Variants in AZI2 observed in about 807,000 individuals in gnomAD.
AZI2 encodes the protein 5-azacytidine induced 2.
In AZI2, 22 loss-of-function variants were observed where a neutral mutation model predicts 45.8. That is an observed-to-expected ratio of 0.48 (90% CI 0.34 to 0.69). The LOEUF (loss-of-function observed/expected upper bound fraction) is 0.69, where lower values mean the gene tolerates loss of function less well. Ranked by LOEUF, AZI2 falls within the 30% of genes least tolerant of loss-of-function variation. The pLI is 0.01. For missense variants in AZI2, 417 were observed against 441.5 expected, an observed-to-expected ratio of 0.94 and a Z score of 0.50; for synonymous variants, 137 against 156.7, an observed-to-expected ratio of 0.87 and a Z score of 0.94.
At chr3:28,344,408 T>C (rs1441625943) in intron 1 of AZI2, among the ~76,000 whole-genome samples, 1 of 152,036 alleles carries the variant, frequency 6.6e-6, no homozygotes, top group Non-Finnish European at 1.5e-5. Flanking sequence ...TTATATTTAT[T>C]AATATAATGA....
chr3:28,342,241 A>G (rs1704045257), intron 1 of AZI2, among the ~76,000 whole-genome samples: 1 of 152,070 alleles, frequency 6.6e-6, no homozygotes, highest in African/African-American at 2.4e-5. Flanking sequence ...ATTATAAGAA[A>G]GGCAGGTTAA....
At chr3:28,326,714 C>T in intron 7 of AZI2, 118 bp downstream of exon 7, 1 of 819,040 alleles carries the variant, frequency 1.2e-6, no homozygotes, top group Non-Finnish European at 2.2e-6. Context: ...TGCGAATGTA[C>T]TATATATACT....
At position 28,342,126 on chromosome 3, in the gene AZI2, C is replaced by A. The variant is rs997460362; in HGVS notation, c.-5-1504G>T. Among the ~76,000 whole-genome samples, 16 of 152,004 alleles carry A rather than the reference C, an allele frequency of 1.1e-4. 1 individual carries two copies. Among genetic ancestry groups the A allele is most frequent in the African/African-American group, 3.9e-4 (16 of 41,428 alleles). ...CAAAAGGTTTTGTGTTTTTCTGGGT[C>A]TGGTCTTATATCATTATATTTTTGC... On this transcript the variant is annotated intron_variant, in intron 1 of 7. Coordinates refer to ENST00000479665, the MANE Select transcript of AZI2 (RefSeq NM_022461.5).
Position 28,321,251 on chromosome 3 carries a change from T to A in AZI2, c.*2791A>T, listed in dbSNP as rs989523569. The A allele has an allele frequency of 6.6e-6, 1 of 151,360 alleles. No homozygotes were observed. Among genetic ancestry groups the A allele is most frequent in the African/African-American group, 2.4e-5 (1 of 41,336 alleles). The allele number at this position is 151,360 out of a possible 1,614,324, so 9.4% of individuals were successfully genotyped here. A position where few individuals can be genotyped will look rare whatever the true frequency, so the allele number is the denominator to read the frequency against. On this transcript the variant is annotated 3_prime_UTR_variant, in exon 8 of 8. Transcript: ENST00000479665. ...TGACCTTTGGTATTGGTGCATTTCCTAGAGCACAGGAAGTTAACTGTTTTT... is the reference window on the plus strand; with the variant it reads ...TGACCTTTGGTATTGGTGCATTTCCAAGAGCACAGGAAGTTAACTGTTTTT...
At position 28,322,861 on chromosome 3, in the gene AZI2, A is replaced by ACTGT. The variant is rs1029086392; in HGVS notation, c.*1177_*1180dup. The ACTGT allele has an allele frequency of 6.6e-6, 1 of 151,250 alleles. No homozygotes were observed. The highest frequency in any genetic ancestry group is 2.4e-5 in the African/African-American group (1 of 41,334). The allele number at this position is 151,250 out of a possible 1,614,324, so 9.4% of individuals were successfully genotyped here. A position where few individuals can be genotyped will look rare whatever the true frequency, so the allele number is the denominator to read the frequency against. On this transcript the variant is annotated 3_prime_UTR_variant, in exon 8 of 8. Coordinates refer to ENST00000479665, the MANE Select transcript of AZI2 (RefSeq NM_022461.5). Reference sequence around the variant, plus strand: ...AGATATTGAGTTCAAGATATATGAAACTGTCTATCAAAAAGGATAAAAGTC... The same window carrying ACTGT: ...AGATATTGAGTTCAAGATATATGAAACTGTCTGTCTATCAAAAAGGATAAAAGTC...
chr3:28,337,127 C>T, intron 4 of AZI2: 1 of 429,446 alleles, frequency 2.3e-6, no homozygotes, highest in Non-Finnish European at 4.1e-6. Context: ...TAAGCATATG[C>T]TAAAATTGCA....
chr3:28,338,764 T>A, intron 2 of AZI2, 149 bp from the exon 3 acceptor site: 1 of 748,594 alleles, frequency 1.3e-6, no homozygotes, highest in Non-Finnish European at 2.0e-6. Context: ...TTCCACAAAT[T>A]AATCTTTACA....
At chr3:28,339,131 C>G (rs1392981884) in intron 2 of AZI2, among the ~76,000 whole-genome samples, 1 of 151,950 alleles carries the variant, frequency 6.6e-6, no homozygotes, top group South Asian at 2.1e-4. Flanking sequence ...AGGTGCACCA[C>G]CACGCCCTGC....
intron 6 of AZI2, among the ~76,000 whole-genome samples, chr3:28,328,035 T>C (rs1194206457): frequency 2.0e-5 from 3 of 150,164 alleles, no homozygotes; most frequent in Non-Finnish European, 4.5e-5. Flanking sequence ...ATTTAATATA[T>C]AATATATAAA....
intron 2 of AZI2, among the ~76,000 whole-genome samples, chr3:28,340,135 C>T (rs1043100172): frequency 1.5e-4 from 22 of 150,536 alleles, no homozygotes; most frequent in Admixed American, 3.3e-4. Flanking sequence ...ATACATACAG[C>T]TATGGAGGTA....
chr3:28,323,229 TTTATA>T lies in AZI2; in HGVS notation c.*808_*812del, dbSNP rs1463431199. ...CTTTTTATCATTACACACATTTATG[TTTATA>T]TTATGGCCCACAGAAGGGCAGATTA... On this transcript the variant is annotated 3_prime_UTR_variant, in exon 8 of 8. Coordinates refer to ENST00000479665, the MANE Select transcript of AZI2 (RefSeq NM_022461.5). 1 of 151,198 alleles carries T rather than the reference TTTATA, an allele frequency of 6.6e-6. No individual in the cohort carries two copies. The highest frequency in any genetic ancestry group is 6.6e-5 in the Admixed American group (1 of 15,112). 9.4% of individuals were successfully genotyped at this position (151,198 alleles called of 1,614,324 possible). A position where few individuals can be genotyped will look rare whatever the true frequency, so the allele number is the denominator to read the frequency against.
At chr3:28,324,733 T>C (rs1323716360) in intron 7 of AZI2, 3 of 291,662 alleles carry the variant, frequency 1.0e-5, no homozygotes, top group African/African-American at 2.2e-5. Flanking sequence ...GTCCCAACTA[T>C]GTCATAGAGC....
chr3:28,324,212 T>C lies in AZI2; in HGVS notation c.1009A>G (p.Ser337Gly), dbSNP rs1703293936. 1 of 1,610,576 alleles carries C rather than the reference T, an allele frequency of 6.2e-7. No homozygotes were observed. Among genetic ancestry groups the C allele is most frequent in the African/African-American group, 1.3e-5 (1 of 74,602 alleles). ...PNDGTCFQEH[S>G]SYGRNSLEDN... ...TCCAGAGAATTTCTGCCATAAGAAC[T>C]GTGTTCCTGAAAGCATGTACCATCA... Residue 337 changes from serine to glycine, a missense_variant, in exon 8 of 8, where the codon AGT becomes GGT. Physicochemically the swap from Ser to Gly is moderately conservative, Grantham distance 56. Coordinates refer to ENST00000479665, the MANE Select transcript of AZI2 (RefSeq NM_022461.5).
intron 5 of AZI2, 84 bp from the exon 6 acceptor site, chr3:28,332,511 G>T: frequency 8.6e-7 from 1 of 1,168,322 alleles, no homozygotes; most frequent in Non-Finnish European, 1.2e-6. Flanking sequence ...CCAGAGACAT[G>T]TTCAGGTTTT....
At position 28,336,735 on chromosome 3, in the gene AZI2, A is replaced by G; in HGVS notation, c.588+2T>C. 1 of 1,611,860 alleles carries G rather than the reference A, an allele frequency of 6.2e-7. No individual in the cohort carries two copies. On this transcript the variant is annotated splice_donor_variant, in intron 5 of 7. Transcript: ENST00000479665. LOFTEE classifies it high-confidence loss of function. ...ATTCTCAATTTAATAATTCTGTAAT[A>G]CCGTTTGTTTGGCTTTCTGTAGTTC...
chr3:28,332,570 A>G (rs1281431039), intron 5 of AZI2, 143 bp from the exon 6 acceptor site: 1 of 590,948 alleles, frequency 1.7e-6, no homozygotes, highest in Non-Finnish European at 2.9e-6. Flanking sequence ...TTTATACTCA[A>G]TTTTAATGAA....
intron 2 of AZI2, among the ~76,000 whole-genome samples, chr3:28,339,222 C>A (rs1703917426): frequency 1.3e-5 from 2 of 152,072 alleles, no homozygotes; most frequent in African/African-American, 2.4e-5. Flanking sequence ...AGGCAATCCA[C>A]CCACCTCGGC....
intron 6 of AZI2, among the ~76,000 whole-genome samples, chr3:28,329,877 T>C (rs1703512798): frequency 6.6e-6 from 1 of 151,342 alleles, no homozygotes; most frequent in African/African-American, 2.4e-5. Context: ...CTTACCCTTA[T>C]TGTGTGTAAT....
intron 6 of AZI2, among the ~76,000 whole-genome samples, chr3:28,330,008 C>CT (rs546274743): frequency 1.5e-3 from 225 of 150,642 alleles, no homozygotes; most frequent in Non-Finnish European, 2.2e-3. Flanking sequence ...CTAACCTAAT[C>CT]TTTTTTTTTC....
Sources: allele counts gnomAD v4.1 joint callset (sites outside exome capture counted in the v4.1 genomes callset), GRCh38; gene constraint gnomAD v4.1.1; transcripts MANE v1.5; gene names NCBI Gene and HGNC (gene_info 2026-07-23, HGNC 2026-07-21).